Variants in PPP1R9A observed in about 807,000 individuals in gnomAD.
PPP1R9A encodes protein phosphatase 1 regulatory subunit 9A.
PPP1R9A carries 59 observed loss-of-function variants against 141.9 expected under a neutral mutation model. The observed-to-expected ratio is 0.42, with a 90% CI of 0.34 to 0.52. PPP1R9A has a LOEUF of 0.52. Ranked by LOEUF, PPP1R9A falls within the 20% of genes least tolerant of loss-of-function variation. The probability of loss-of-function intolerance (pLI) is 0.10; values close to 1 mark genes in which losing one functional copy is unlikely to be tolerated. For synonymous variants in PPP1R9A, 500 were observed against 569.7 expected, an observed-to-expected ratio of 0.88 and a Z score of 1.74; for missense variants, 1,444 against 1,611.9, an observed-to-expected ratio of 0.90 and a Z score of 1.78.
chr7:95,068,024 G>A (rs943270751), intron 2 of PPP1R9A, among the ~76,000 whole-genome samples: 6 of 152,044 alleles, frequency 3.9e-5, no homozygotes, highest in African/African-American at 1.4e-4. Flanking sequence ...CCTGCACCCA[G>A]GTGAAATAAA....
intron 4 of PPP1R9A, among the ~76,000 whole-genome samples, chr7:95,132,684 G>T (rs914882438): frequency 6.6e-6 from 1 of 151,998 alleles, no homozygotes; most frequent in Non-Finnish European, 1.5e-5. Context: ...CTGGGTTCAC[G>T]CTGCTCACCC....
chr7:95,044,531 A>G (rs377068758), intron 2 of PPP1R9A, among the ~76,000 whole-genome samples: 1 of 147,356 alleles, frequency 6.8e-6, no homozygotes, highest in Non-Finnish European at 1.5e-5. Flanking sequence ...TGATATTATT[A>G]ACTATTTTTT....
At chr7:95,044,357 T>C (rs1809685802) in intron 2 of PPP1R9A, among the ~76,000 whole-genome samples, 1 of 152,152 alleles carries the variant, frequency 6.6e-6, no homozygotes, top group Non-Finnish European at 1.5e-5. Flanking sequence ...ATGTAAGTAA[T>C]TGAAGTTTAA....
intron 2 of PPP1R9A, among the ~76,000 whole-genome samples, chr7:94,922,068 T>G (rs1217378138): frequency 6.7e-6 from 1 of 150,278 alleles, no homozygotes; most frequent in Admixed American, 6.6e-5. Flanking sequence ...TTAGGATAGA[T>G]TCCTAAAAAA....
At chr7:94,985,645 C>T (rs1344155419) in intron 2 of PPP1R9A, among the ~76,000 whole-genome samples, 2 of 152,048 alleles carry the variant, frequency 1.3e-5, no homozygotes, top group South Asian at 2.1e-4. Context: ...GGGATTGCAA[C>T]TCCTGCTTTT....
intron 2 of PPP1R9A, among the ~76,000 whole-genome samples, chr7:94,915,535 G>T (rs1791964831): frequency 6.6e-6 from 1 of 152,188 alleles, no homozygotes; most frequent in Non-Finnish European, 1.5e-5. Context: ...AGCTATCTCA[G>T]AGGTTATGGA....
chr7:95,015,329 A>G (rs1804963118), intron 2 of PPP1R9A, among the ~76,000 whole-genome samples: 1 of 151,992 alleles, frequency 6.6e-6, no homozygotes, highest in South Asian at 2.1e-4. Context: ...GTGTAATGCT[A>G]TTTATCATTG....
intron 4 of PPP1R9A, among the ~76,000 whole-genome samples, chr7:95,133,262 T>C (rs980886954): frequency 6.6e-6 from 1 of 152,060 alleles, no homozygotes; most frequent in Non-Finnish European, 1.5e-5. Flanking sequence ...TCACGGGCTC[T>C]ATGGACTGGT....
At chr7:95,183,710 G>A (rs1834219402) in intron 5 of PPP1R9A, among the ~76,000 whole-genome samples, 2 of 151,882 alleles carry the variant, frequency 1.3e-5, no homozygotes, top group African/African-American at 4.8e-5. Context: ...GGCTCCCAAA[G>A]TGCTGAGATT....
At chr7:94,919,861 C>T (rs1792569565) in intron 2 of PPP1R9A, among the ~76,000 whole-genome samples, 1 of 152,062 alleles carries the variant, frequency 6.6e-6, no homozygotes, top group Non-Finnish European at 1.5e-5. Flanking sequence ...GATATTCTGT[C>T]AGGTTGGACA....
chr7:95,233,318 A>T (rs534637772), intron 8 of PPP1R9A, among the ~76,000 whole-genome samples: 2 of 151,250 alleles, frequency 1.3e-5, no homozygotes, highest in Non-Finnish European at 2.9e-5. Context: ...GAGTTGAACA[A>T]TGAGAAGATA....
intron 5 of PPP1R9A, among the ~76,000 whole-genome samples, chr7:95,169,831 C>A (rs967951012): frequency 1.9e-4 from 29 of 151,866 alleles, no homozygotes; most frequent in African/African-American, 6.7e-4. Context: ...CAAAAAATAT[C>A]TTTATATCTG....
intron 2 of PPP1R9A, among the ~76,000 whole-genome samples, chr7:94,951,324 G>T (rs1259860953): frequency 4.0e-5 from 6 of 151,776 alleles, no homozygotes; most frequent in Admixed American, 3.9e-4. Context: ...TAATGTTAAA[G>T]ATTTTAATAT....
intron 14 of PPP1R9A, among the ~76,000 whole-genome samples, chr7:95,272,380 GGTGTTT>G (rs1246828873): frequency 6.6e-6 from 1 of 152,084 alleles, no homozygotes; most frequent in Non-Finnish European, 1.5e-5. Flanking sequence ...CACCTTAGAA[GGTGTTT>G]GTGCCATGTC....
chr7:95,231,214 T>G (rs540502714), intron 8 of PPP1R9A, among the ~76,000 whole-genome samples: 5 of 152,286 alleles, frequency 3.3e-5, no homozygotes, highest in African/African-American at 1.2e-4. Context: ...CAATTCTAAC[T>G]ATATTTGCAG....
intron 2 of PPP1R9A, among the ~76,000 whole-genome samples, chr7:94,969,551 GTCAGA>G (rs1359685419): frequency 6.6e-6 from 1 of 152,124 alleles, no homozygotes; most frequent in Non-Finnish European, 1.5e-5. Context: ...CCAGATGCCA[GTCAGA>G]TCTCTCCTGT....
At chr7:95,094,206 A>G (rs934841875) in intron 2 of PPP1R9A, among the ~76,000 whole-genome samples, 7 of 152,208 alleles carry the variant, frequency 4.6e-5, no homozygotes, top group African/African-American at 1.7e-4. Flanking sequence ...TGTATGCTGG[A>G]GCCAGATCTT....
At chr7:95,286,965 C>CTTTTTTTTTTTTTTTTTT in intron 18 of PPP1R9A, 1 of 762,478 alleles carries the variant, frequency 1.3e-6, no homozygotes, top group Non-Finnish European at 2.0e-6. Flanking sequence ...ATTCACAAAA[C>CTTTTTTTTTTTTTTTTTT]TTTTTTTTTT....
At chr7:95,169,407 C>T (rs371625317) in intron 5 of PPP1R9A, among the ~76,000 whole-genome samples, 20 of 151,282 alleles carry the variant, frequency 1.3e-4, no homozygotes, top group Admixed American at 5.3e-4. Context: ...TGTGGGTGGG[C>T]GGATGAAGAG....
Sources: allele counts gnomAD v4.1 joint callset (sites outside exome capture counted in the v4.1 genomes callset), GRCh38; gene constraint gnomAD v4.1.1; transcripts MANE v1.5; gene names NCBI Gene and HGNC (gene_info 2026-07-23, HGNC 2026-07-21).